Variants in NBEAL1 observed in about 807,000 individuals in gnomAD.
The protein encoded by NBEAL1 is neurobeachin like 1.
NBEAL1 carries 273 observed loss-of-function variants against 351.3 expected under a neutral mutation model. The observed-to-expected ratio is 0.78, with a 90% CI of 0.70 to 0.86. NBEAL1 has a LOEUF of 0.86. Among genes scored for constraint, NBEAL1 ranks in the 40% least tolerant of loss-of-function variants. The pLI is 0.00. For synonymous variants in NBEAL1, 1,050 were observed against 1,086.4 expected (o/e 0.97, Z 0.66); for missense variants, 2,961 against 3,201.3 (o/e 0.92, Z 1.81).
chr2:203,016,134 T>G, intron 1 of NBEAL1, 22 bp from the exon 2 acceptor site: 1 of 333,292 alleles, frequency 3.0e-6, no homozygotes, highest in South Asian at 1.4e-4. Flanking sequence ...TTCTAACCTG[T>G]GGATGTTTTT....
chr2:203,159,221 A>G (rs2063881766), intron 36 of NBEAL1, among the ~76,000 whole-genome samples: 1 of 152,010 alleles, frequency 6.6e-6, no homozygotes, highest in African/African-American at 2.4e-5. Context: ...GGTATATCTC[A>G]CAAACATAAA....
At chr2:203,160,509 A>G (rs1430731453) in intron 36 of NBEAL1, among the ~76,000 whole-genome samples, 1 of 151,938 alleles carries the variant, frequency 6.6e-6, no homozygotes, top group East Asian at 1.9e-4. Flanking sequence ...TGTTTTTATG[A>G]TAGCTACTTT....
At chr2:203,204,858 C>T (rs1345754995) in intron 51 of NBEAL1, among the ~76,000 whole-genome samples, 3 of 151,974 alleles carry the variant, frequency 2.0e-5, no homozygotes, top group Non-Finnish European at 2.9e-5. Flanking sequence ...ACAATTATAT[C>T]GAATTACTTT....
chr2:203,042,605 T>C (rs926776236), intron 3 of NBEAL1, among the ~76,000 whole-genome samples: 1 of 152,084 alleles, frequency 6.6e-6, no homozygotes, highest in African/African-American at 2.4e-5. Context: ...TTTTTTCTTT[T>C]TTTTGAAATG....
Position 203,170,169 on chromosome 2 carries a change from A to C in NBEAL1, c.6102+318A>C, listed in dbSNP as rs1229785486. Among the ~76,000 whole-genome samples, 3 of 151,996 alleles carry C rather than the reference A, an allele frequency of 2.0e-5. No individual in the cohort carries two copies. In the South Asian group the frequency reaches 6.2e-4, roughly 32 times the overall value. On this transcript the variant is annotated intron_variant, in intron 39 of 55. Coordinates refer to ENST00000683969, the MANE Select transcript of NBEAL1 (RefSeq NM_001378026.1). ...GCGGATCACCTGAGGTTGGGAGTTCAAGACCAGCCTGGCCAACATGGTGAA... is the reference window on the plus strand; with the variant it reads ...GCGGATCACCTGAGGTTGGGAGTTCCAGACCAGCCTGGCCAACATGGTGAA...
chr2:203,125,014 T>C (rs1339151137), intron 19 of NBEAL1, among the ~76,000 whole-genome samples: 2 of 152,242 alleles, frequency 1.3e-5, no homozygotes, highest in Non-Finnish European at 2.9e-5. Flanking sequence ...TTATTATGCC[T>C]AATTGCCTAG....
Position 203,127,822 on chromosome 2 carries a change from G to T in NBEAL1, c.3290G>T (p.Arg1097Leu). 1 of 1,527,124 alleles carries T rather than the reference G, an allele frequency of 6.5e-7. No homozygotes were observed. Among genetic ancestry groups the T allele is most frequent in the South Asian group, 1.2e-5 (1 of 83,634 alleles). 94.6% of individuals were successfully genotyped at this position (1,527,124 alleles called of 1,614,324 possible). A position where few individuals can be genotyped will look rare whatever the true frequency, so the allele number is the denominator to read the frequency against. The part of the protein sequence containing the change: ...KYNELSLDDI[R>L]TIRTSLYGLI... Reference sequence around the variant, plus strand: ...AATGAACTATCTCTAGATGATATTCGAACAATAAGGACTTCTTTGTATGGA... The same window carrying T: ...AATGAACTATCTCTAGATGATATTCTAACAATAAGGACTTCTTTGTATGGA... The change falls in exon 24 of 56, where the codon CGA (arginine) becomes CTA (leucine). Residue 1097 changes from arginine (R) to leucine (L), a missense_variant. Arg to Leu is a moderately radical substitution (Grantham distance 102). Coordinates refer to ENST00000683969, the MANE Select transcript of NBEAL1 (RefSeq NM_001378026.1).
At chr2:203,096,762 A>G (rs531904325) in intron 10 of NBEAL1, among the ~76,000 whole-genome samples, 1 of 152,348 alleles carries the variant, frequency 6.6e-6, no homozygotes, top group South Asian at 2.1e-4. Context: ...CTCCCTTGTC[A>G]AAGTATCCAT....
intron 7 of NBEAL1, among the ~76,000 whole-genome samples, chr2:203,073,087 T>A (rs1022020995): frequency 6.6e-6 from 1 of 152,204 alleles, no homozygotes; most frequent in African/African-American, 2.4e-5. Context: ...TGTTTTTCAT[T>A]GAGACAGAAT....
At chr2:203,140,260 G>T (rs555853097) in intron 31 of NBEAL1, among the ~76,000 whole-genome samples, 1 of 149,102 alleles carries the variant, frequency 6.7e-6, no homozygotes, top group Non-Finnish European at 1.5e-5. Context: ...CTGAGATCAC[G>T]CCATTGCACT....
chr2:203,065,027 G>A (rs1008513123), intron 6 of NBEAL1, among the ~76,000 whole-genome samples: 1 of 152,154 alleles, frequency 6.6e-6, no homozygotes, highest in Non-Finnish European at 1.5e-5. Flanking sequence ...GGAGGCTGAG[G>A]TAGGAGGATC....
intron 41 of NBEAL1, among the ~76,000 whole-genome samples, chr2:203,174,471 A>G (rs2064431034): frequency 6.6e-6 from 1 of 152,136 alleles, no homozygotes; most frequent in Non-Finnish European, 1.5e-5. Context: ...ATTAGGATAG[A>G]TATTCACCAA....
At chr2:203,027,258 A>G (rs1384558102) in intron 2 of NBEAL1, among the ~76,000 whole-genome samples, 3 of 152,258 alleles carry the variant, frequency 2.0e-5, no homozygotes, top group Non-Finnish European at 4.4e-5. Context: ...AATTTACATT[A>G]TAATGTGCCA....
rs770686794 is a variant in NBEAL1, at chr2:203,172,716, A to T, written c.6199-13A>T. 1.9e-6 allele frequency: 3 copies of T among 1,599,334 alleles called. No individual in the cohort carries two copies. Among genetic ancestry groups the T allele is most frequent in the Non-Finnish European group, 2.6e-6 (3 of 1,173,684 alleles). ...GGAAGGAATGTCTAAATTGTAAATT[A>T]TGGCTCTTTTAGTTTCCCTGGATTT... On this transcript the variant is annotated splice_polypyrimidine_tract_variant and intron_variant, in intron 40 of 55. Transcript: ENST00000683969.
rs1286127620 is a variant in NBEAL1, at chr2:203,135,640, C to CT, written c.3814-32dup. On this transcript the variant is annotated intron_variant, in intron 27 of 55. Transcript: ENST00000683969. The stretch of plus-strand genomic sequence containing the variant: ...TATTTTTGATATAAAGTACTATGTA[C>CT]TTTTTGAAGAATTTTGTATTCTAAA... 3 of 1,343,246 alleles carry CT rather than the reference C, an allele frequency of 2.2e-6. No homozygotes were observed. The African/African-American group carries it at 4.4e-5, about 20-fold the overall frequency. 83.2% of individuals were successfully genotyped at this position (1,343,246 alleles called of 1,614,324 possible). A position where few individuals can be genotyped will look rare whatever the true frequency, so the allele number is the denominator to read the frequency against.
chr2:203,166,328 T>C (rs1366605216), intron 37 of NBEAL1, 31 bp downstream of exon 37: 2 of 1,578,904 alleles, frequency 1.3e-6, no homozygotes, highest in South Asian at 1.2e-5. Flanking sequence ...TAATTTTTGC[T>C]GTTCAATAAT....
intron 18 of NBEAL1, among the ~76,000 whole-genome samples, chr2:203,121,097 GTT>G (rs750444357): frequency 7.2e-5 from 11 of 152,182 alleles, no homozygotes; most frequent in Admixed American, 2.0e-4. Context: ...TGTTTCTAAA[GTT>G]ACAGACTAAG....
At chr2:203,213,082 C>A (rs2065831138) in intron 54 of NBEAL1, among the ~76,000 whole-genome samples, 2 of 152,136 alleles carry the variant, frequency 1.3e-5, no homozygotes, top group South Asian at 4.2e-4. Context: ...CTTTGTCTCT[C>A]ACCTTCCCTC....
At chr2:203,125,636 AG>A in intron 20 of NBEAL1, 116 bp downstream of exon 20, 1 of 964,844 alleles carries the variant, frequency 1.0e-6, no homozygotes, top group Non-Finnish European at 1.4e-6. Context: ...TAGCTGTAGC[AG>A]TTGTTTCTAC....
Sources: allele counts gnomAD v4.1 joint callset (sites outside exome capture counted in the v4.1 genomes callset), GRCh38; gene constraint gnomAD v4.1.1; transcripts MANE v1.5; gene names NCBI Gene and HGNC (gene_info 2026-07-23, HGNC 2026-07-21).